Variants in WWC2 observed in about 807,000 individuals in gnomAD.
WWC2 encodes the protein protein WWC2.
WWC2 carries 101 observed loss-of-function variants against 138.5 expected under a neutral mutation model. The observed-to-expected ratio is 0.73, with a 90% CI of 0.62 to 0.86. The LOEUF (loss-of-function observed/expected upper bound fraction) is 0.86, where lower values mean the gene tolerates loss of function less well. WWC2 is among the 40% of genes least tolerant of loss of function. WWC2 has a pLI of 0.00. For synonymous variants in WWC2, 558 were observed against 538.4 expected (o/e 1.04, Z -0.50); for missense variants, 1,420 against 1,419.4 (o/e 1.00, Z -0.01).
chr4:183,155,421 G>T (rs1733778349), intron 1 of WWC2, among the ~76,000 whole-genome samples: 1 of 152,120 alleles, frequency 6.6e-6, no homozygotes, highest in African/African-American at 2.4e-5. Context: ...TAAGAAACTT[G>T]AACCTGATTC....
intron 21 of WWC2, among the ~76,000 whole-genome samples, chr4:183,291,894 A>G (rs1738463832): frequency 6.6e-6 from 1 of 152,176 alleles, no homozygotes; most frequent in Non-Finnish European, 1.5e-5. Flanking sequence ...AGAATGTTAT[A>G]AAACTAATGA....
At chr4:183,295,784 G>A (rs11734558) in intron 21 of WWC2, among the ~76,000 whole-genome samples, 12,222 of 151,890 alleles carry the variant, frequency 0.08, 697 homozygotes, top group Non-Finnish European at 0.12. Context: ...TCTTCCCAGG[G>A]TGCCGAGATC....
At chr4:183,254,038 G>A (rs1286163263) in intron 9 of WWC2, 39 bp downstream of exon 9, 5 of 1,599,378 alleles carry the variant, frequency 3.1e-6, no homozygotes, top group Non-Finnish European at 4.3e-6. Context: ...CTTAACTCTT[G>A]TGGGGGTGTC....
At chr4:183,272,653 C>G (rs1286831719) in intron 16 of WWC2, among the ~76,000 whole-genome samples, 1 of 152,228 alleles carries the variant, frequency 6.6e-6, no homozygotes, top group Non-Finnish European at 1.5e-5. Context: ...AAGGCAACCA[C>G]TCATCCCTGT....
intron 4 of WWC2, among the ~76,000 whole-genome samples, chr4:183,217,998 T>G (rs1459229960): frequency 6.6e-6 from 1 of 152,032 alleles, no homozygotes; most frequent in Non-Finnish European, 1.5e-5. Flanking sequence ...ATCTTAAAAG[T>G]AGCCATAGAA....
intron 1 of WWC2, among the ~76,000 whole-genome samples, chr4:183,165,422 G>T (rs4452469): frequency 6.6e-6 from 1 of 152,194 alleles, no homozygotes; most frequent in Non-Finnish European, 1.5e-5. Context: ...TTGAGAAGCT[G>T]TTTAAGCCAG....
chr4:183,303,306 G>A lies in WWC2; in HGVS notation c.3385-9035G>A, dbSNP rs540408881. On this transcript the variant is annotated intron_variant, in intron 21 of 22. Coordinates refer to ENST00000403733, the MANE Select transcript of WWC2 (RefSeq NM_024949.6). The stretch of plus-strand genomic sequence containing the variant: ...ACTGCTGGTTCAAAAATTGTATTGA[G>A]CACTTGAGCCTTTATGAATTATGTT... 3.2e-4 allele frequency among the ~76,000 whole-genome samples: 48 copies of A among 152,272 alleles called. No homozygotes were observed. The South Asian group carries it at 8.9e-3, about 28-fold the overall frequency.
intron 2 of WWC2, among the ~76,000 whole-genome samples, chr4:183,205,621 T>C (rs1425683933): frequency 6.6e-6 from 1 of 152,238 alleles, no homozygotes; most frequent in Non-Finnish European, 1.5e-5. Context: ...ATATTTTTTT[T>C]CTTCTGACCG....
intron 1 of WWC2, among the ~76,000 whole-genome samples, chr4:183,114,991 C>A (rs140579610): frequency 6.6e-6 from 1 of 151,982 alleles, no homozygotes; most frequent in African/African-American, 2.4e-5. Context: ...CCAGCTAATC[C>A]CCATAGGTAG....
intron 1 of WWC2, among the ~76,000 whole-genome samples, chr4:183,155,221 A>AGAGTGAGAGT (rs141480395): frequency 1.5e-5 from 2 of 135,184 alleles, no homozygotes; most frequent in African/African-American, 5.5e-5. Flanking sequence ...AGAGAGAGAG[A>AGAGTGAGAGT]GAGTTAGTTG....
At chr4:183,138,556 T>C (rs1733191907) in intron 1 of WWC2, among the ~76,000 whole-genome samples, 1 of 152,194 alleles carries the variant, frequency 6.6e-6, no homozygotes, top group African/African-American at 2.4e-5. Flanking sequence ...GTGGAGTGGT[T>C]TCCGCAGGAG....
chr4:183,129,336 T>C (rs1172039241), intron 1 of WWC2, among the ~76,000 whole-genome samples: 1 of 152,202 alleles, frequency 6.6e-6, no homozygotes, highest in Non-Finnish European at 1.5e-5. Context: ...AAACCAGGGC[T>C]CTTTGAGACT....
chr4:183,191,916 G>C (rs1735002465), intron 1 of WWC2, among the ~76,000 whole-genome samples: 1 of 151,984 alleles, frequency 6.6e-6, no homozygotes, highest in African/African-American at 2.4e-5. Context: ...TTTAGAGACA[G>C]GGTCTCACTG....
At chr4:183,289,331 G>C in intron 20 of WWC2, 62 bp from the exon 21 acceptor site, 1 of 1,560,612 alleles carries the variant, frequency 6.4e-7, no homozygotes, top group Admixed American at 1.8e-5. Flanking sequence ...GGAAGGAGGG[G>C]AAGTGGGGTA....
intron 1 of WWC2, among the ~76,000 whole-genome samples, chr4:183,145,866 T>C (rs1157789105): frequency 6.6e-6 from 1 of 152,200 alleles, no homozygotes; most frequent in Non-Finnish European, 1.5e-5. Flanking sequence ...CTGTGTAGTT[T>C]ATGGGGCATG....
chr4:183,241,504 G>A (rs544747028), intron 5 of WWC2, among the ~76,000 whole-genome samples: 4 of 152,238 alleles, frequency 2.6e-5, no homozygotes, highest in South Asian at 2.1e-4. Context: ...CCTGCTTACC[G>A]CATAGAATCA....
intron 1 of WWC2, among the ~76,000 whole-genome samples, chr4:183,106,778 A>G (rs1363542150): frequency 6.6e-6 from 1 of 151,456 alleles, no homozygotes. Context: ...TTCATGACTT[A>G]ATAATATTCG....
chr4:183,164,310 ATTATATATACAT>A (rs1734054545), intron 1 of WWC2, among the ~76,000 whole-genome samples: 3 of 338 alleles, frequency 8.9e-3, no homozygotes, highest in African/African-American at 0.013. Context: ...ACATATATAT[ATTATATATACAT>A]ATATATATAT....
At chr4:183,184,370 C>G (rs1396776670) in intron 1 of WWC2, among the ~76,000 whole-genome samples, 1 of 152,004 alleles carries the variant, frequency 6.6e-6, no homozygotes, top group Non-Finnish European at 1.5e-5. Context: ...TTTTTTTATC[C>G]ATTCACCTGT....
Sources: allele counts gnomAD v4.1 joint callset (sites outside exome capture counted in the v4.1 genomes callset), GRCh38; gene constraint gnomAD v4.1.1; transcripts MANE v1.5; gene names NCBI Gene and HGNC (gene_info 2026-07-23, HGNC 2026-07-21).